Variants in GBE1 observed in about 807,000 individuals in gnomAD.
The protein encoded by GBE1 is 1,4-alpha-glucan branching enzyme 1.
Under a neutral mutation model 88.8 loss-of-function variants are expected in GBE1, and 70 were observed. That is an observed-to-expected ratio of 0.79 (90% CI 0.65 to 0.96). GBE1 has a LOEUF of 0.96. Among genes scored for constraint, GBE1 ranks in the 40% least tolerant of loss-of-function variants. The pLI is 0.00. For synonymous variants in GBE1, 284 were observed against 300.1 expected, an observed-to-expected ratio of 0.95 and a Z score of 0.56; for missense variants, 872 against 871.0, an observed-to-expected ratio of 1.00 and a Z score of -0.01.
intron 14 of GBE1, among the ~76,000 whole-genome samples, chr3:81,510,129 A>T (rs144192613): frequency 6.6e-6 from 1 of 152,130 alleles, no homozygotes; most frequent in Non-Finnish European, 1.5e-5. Context: ...GAACTTAAGC[A>T]CAGAACATCA....
chr3:81,727,537 G>C (rs1706131225), intron 1 of GBE1, among the ~76,000 whole-genome samples: 1 of 152,182 alleles, frequency 6.6e-6, no homozygotes, highest in South Asian at 2.1e-4. Flanking sequence ...GCACAGTGGT[G>C]ATGTCTGGGC....
At chr3:81,584,549 T>C (rs1226584334) in intron 10 of GBE1, among the ~76,000 whole-genome samples, 1 of 152,176 alleles carries the variant, frequency 6.6e-6, no homozygotes, top group East Asian at 1.9e-4. Flanking sequence ...CAATAAGAAT[T>C]TTAAATAATT....
At chr3:81,736,402 A>G (rs2107210879) in intron 1 of GBE1, among the ~76,000 whole-genome samples, 1 of 152,342 alleles carries the variant, frequency 6.6e-6, no homozygotes, top group Non-Finnish European at 1.5e-5. Flanking sequence ...AAGTTAACAC[A>G]TTAAATCCAG....
Position 81,761,526 on chromosome 3 carries a change from G to T in GBE1, c.-9C>A, listed in dbSNP as rs749030382. Reference sequence around the variant, plus strand: ...GTCATCGGAGCCGCCATATTCCGCCGCAGTCCAAGTAGCCGAGGCCCGAGA... The same window carrying T: ...GTCATCGGAGCCGCCATATTCCGCCTCAGTCCAAGTAGCCGAGGCCCGAGA... On this transcript the variant is annotated 5_prime_UTR_variant, in exon 1 of 16. Coordinates refer to ENST00000429644, the MANE Select transcript of GBE1 (RefSeq NM_000158.4). 6.8e-5 allele frequency: 109 copies of T among 1,598,100 alleles called. No homozygotes were observed. Among genetic ancestry groups the T allele is most frequent in the Non-Finnish European group, 9.1e-5 (107 of 1,175,056 alleles).
At chr3:81,544,685 C>T (rs1213400383) in intron 12 of GBE1, among the ~76,000 whole-genome samples, 1 of 152,126 alleles carries the variant, frequency 6.6e-6, no homozygotes, top group African/African-American at 2.4e-5. Context: ...CTTACACAGC[C>T]CCATTCATGT....
intron 1 of GBE1, chr3:81,743,650 G>A: frequency 6.6e-7 from 1 of 1,508,022 alleles, no homozygotes; most frequent in South Asian, 1.2e-5. Context: ...GAAAGGTCTA[G>A]GGCTATTAAA....
At chr3:81,549,105 C>G (rs1004890559) in intron 12 of GBE1, among the ~76,000 whole-genome samples, 1 of 143,752 alleles carries the variant, frequency 7.0e-6, no homozygotes, top group East Asian at 2.2e-4. Context: ...ATCTCACTTA[C>G]TGCAACCTCC....
At chr3:81,714,711 A>G (rs1705917992) in intron 1 of GBE1, among the ~76,000 whole-genome samples, 1 of 152,214 alleles carries the variant, frequency 6.6e-6, no homozygotes, top group Non-Finnish European at 1.5e-5. Context: ...TTGAACTGTT[A>G]TAACAAATAG....
At chr3:81,640,728 T>TAGA (rs1417698841) in intron 7 of GBE1, among the ~76,000 whole-genome samples, 1 of 151,994 alleles carries the variant, frequency 6.6e-6, no homozygotes, top group East Asian at 1.9e-4. Context: ...TGGGAAAATT[T>TAGA]AGATATTGGT....
chr3:81,496,953 G>A (rs923060683), intron 15 of GBE1, among the ~76,000 whole-genome samples: 1 of 152,118 alleles, frequency 6.6e-6, no homozygotes, highest in African/African-American at 2.4e-5. Context: ...GGCTGTGTTG[G>A]ATTACAATTC....
At chr3:81,529,062 AATTG>A (rs563318468) in intron 14 of GBE1, among the ~76,000 whole-genome samples, 58 of 151,818 alleles carry the variant, frequency 3.8e-4, no homozygotes, top group Non-Finnish European at 7.7e-4. Context: ...CTTGTTGTGA[AATTG>A]ATTGGTGATA....
chr3:81,502,623 T>C (rs1702603572), intron 14 of GBE1, among the ~76,000 whole-genome samples: 1 of 152,208 alleles, frequency 6.6e-6, no homozygotes, highest in South Asian at 2.1e-4. Context: ...ATCAGGAAAC[T>C]ACATGTTTTA....
chr3:81,557,517 G>A (rs1036792528), intron 12 of GBE1, among the ~76,000 whole-genome samples: 3 of 151,792 alleles, frequency 2.0e-5, no homozygotes, highest in Non-Finnish European at 1.5e-5. Flanking sequence ...AAGGAGAAGG[G>A]AGAAGGACAA....
At chr3:81,742,675 G>A (rs1455443621) in intron 1 of GBE1, among the ~76,000 whole-genome samples, 1 of 152,082 alleles carries the variant, frequency 6.6e-6, no homozygotes, top group Non-Finnish European at 1.5e-5. Flanking sequence ...TGGGCCTGAG[G>A]CGAAAGAAGT....
intron 1 of GBE1, among the ~76,000 whole-genome samples, chr3:81,709,993 T>C (rs1705835523): frequency 6.6e-6 from 1 of 152,128 alleles, no homozygotes; most frequent in East Asian, 1.9e-4. Context: ...TATAAAGAAC[T>C]GTTATAAAAA....
chr3:81,685,486 G>A (rs1972976), intron 2 of GBE1, among the ~76,000 whole-genome samples: 93,083 of 151,730 alleles, frequency 0.61, 30,883 homozygotes, highest in African/African-American at 0.89. Flanking sequence ...GGTTCAAGCA[G>A]TTCTCCTGCC....
At chr3:81,494,881 A>G (rs1051597486) in intron 15 of GBE1, among the ~76,000 whole-genome samples, 10 of 148,944 alleles carry the variant, frequency 6.7e-5, no homozygotes, top group Non-Finnish European at 1.5e-4. Flanking sequence ...GCAAAATGTT[A>G]TTTTCCTCTA....
chr3:81,695,997 G>C (rs1276948017), intron 2 of GBE1, among the ~76,000 whole-genome samples: 1 of 152,126 alleles, frequency 6.6e-6, no homozygotes, highest in Non-Finnish European at 1.5e-5. Flanking sequence ...TGATGAACTG[G>C]CAAGCTATAA....
chr3:81,612,220 T>TAAAAAAA lies in GBE1; in HGVS notation c.993-18204_993-18198dup, dbSNP rs11404629. ...TTACAGTGTTAAATCCACGCTCCTT[T>TAAAAAAA]AAAAAAAAAAAAAAAAAAAAAAACT... On this transcript the variant is annotated intron_variant, in intron 7 of 15. Transcript: ENST00000429644. The TAAAAAAA allele has an allele frequency of 3.8e-3, 917 of 241,298 alleles. 3 individuals carry two copies. The highest frequency in any genetic ancestry group is 8.0e-3 in the East Asian group (63 of 7,888). The allele number at this position is 241,298 out of a possible 1,614,324, so 14.9% of individuals were successfully genotyped here.
Sources: allele counts gnomAD v4.1 joint callset (sites outside exome capture counted in the v4.1 genomes callset), GRCh38; gene constraint gnomAD v4.1.1; transcripts MANE v1.5; gene names NCBI Gene and HGNC (gene_info 2026-07-23, HGNC 2026-07-21).